SCNN1A: variants seen among roughly 807,000 people sequenced by gnomAD.
SCNN1A encodes epithelial sodium channel subunit alpha.
Under a neutral mutation model 68.6 loss-of-function variants are expected in SCNN1A, and 65 were observed. The ratio of observed to expected loss-of-function variants is 0.95; its 90% CI spans 0.78 to 1.16. The LOEUF is 1.16. Ranked by LOEUF, SCNN1A falls within the 50% of genes most tolerant of loss-of-function variation. The pLI, the probability that SCNN1A is intolerant of heterozygous loss-of-function variation, is 0.00. For missense variants in SCNN1A, 880 were observed against 865.9 expected (o/e 1.02, Z -0.20); for synonymous variants, 357 against 353.3 (o/e 1.01, Z -0.12).
intron 8 of SCNN1A, among the ~76,000 whole-genome samples, chr12:6,350,968 C>T (rs776915327): frequency 7.2e-5 from 11 of 152,196 alleles, no homozygotes; most frequent in South Asian, 2.1e-4. Context: ...GATGTCACTT[C>T]GGAAAACAGC....
At chr12:6,376,751 G>A (rs528326546), upstream of SCNN1A, among the ~76,000 whole-genome samples, 3 of 152,254 alleles carry the variant, frequency 2.0e-5, no homozygotes, top group African/African-American at 4.8e-5. Context: ...CCCTGCACGC[G>A]GCAGGGAAGG....
At chr12:6,367,102 G>A (rs1948693865) in intron 2 of SCNN1A, among the ~76,000 whole-genome samples, 1 of 152,102 alleles carries the variant, frequency 6.6e-6, no homozygotes. Context: ...GCCAGATGTG[G>A]TGGTGCACAC....
At chr12:6,365,919 C>G (rs182212114) in intron 2 of SCNN1A, among the ~76,000 whole-genome samples, 1 of 151,936 alleles carries the variant, frequency 6.6e-6, no homozygotes, top group Admixed American at 6.6e-5. Context: ...AGTGCAGTGC[C>G]GTGATCTCGG....
chr12:6,348,332 A>G (rs1240675774), intron 12 of SCNN1A, 79 bp from the exon 13 acceptor site: 1 of 1,605,788 alleles, frequency 6.2e-7, no homozygotes, highest in East Asian at 2.2e-5. Flanking sequence ...TTCCCTCCTC[A>G]CCAAGCTGTC....
chr12:6,361,874 C>T (rs1253772502), intron 4 of SCNN1A, among the ~76,000 whole-genome samples, 177 bp downstream of exon 4: 2 of 152,236 alleles, frequency 1.3e-5, no homozygotes, highest in Admixed American at 6.5e-5. Flanking sequence ...AGCAGGAGTT[C>T]GTAGGGCGCT....
upstream of SCNN1A, chr12:6,376,137 GAA>G (rs1482158565): frequency 2.0e-6 from 2 of 986,342 alleles, no homozygotes; most frequent in East Asian, 2.3e-4. Flanking sequence ...GCCCTGCAGA[GAA>G]GAGAGAAGAG....
chr12:6,349,627 G>C (rs1022592631), intron 8 of SCNN1A, among the ~76,000 whole-genome samples: 1 of 152,084 alleles, frequency 6.6e-6, no homozygotes, highest in African/African-American at 2.4e-5. Flanking sequence ...AGGGTCGTTT[G>C]AGGCCAGGAG....
rs779507200 is a variant in SCNN1A at position 6,362,084 on chromosome 12, G to A, written c.842C>T (p.Ala281Val). The A allele has an allele frequency of 2.4e-5, 38 of 1,614,148 alleles. No homozygotes were observed. The highest frequency in any genetic ancestry group is 3.1e-5 in the Non-Finnish European group (37 of 1,180,052). The change falls in exon 4 of 13, where the codon GCC (alanine) becomes GTC (valine). Residue 281 changes from alanine (A) to valine (V), a missense_variant. Physicochemically the swap from Ala to Val is moderately conservative, Grantham distance 64. Coordinates refer to ENST00000228916, the MANE Select transcript of SCNN1A (RefSeq NM_001038.6). ...GCAGGAGACCTGGTTGAAGCGGCAG[G>A]CGAAGATGAAGTTGCCCAGCGTGTC... Reference protein sequence around the residue: ...EEDTLGNFIFACRFNQVSCNQ... With the variant: ...EEDTLGNFIFVCRFNQVSCNQ...
intron 8 of SCNN1A, chr12:6,353,676 G>GC (rs1948430694): frequency 3.7e-5 from 3 of 81,564 alleles, no homozygotes; most frequent in Non-Finnish European, 4.3e-5. Context: ...TGCAGGCTCC[G>GC]CCTCCCGGGT....
chr12:6,364,591 T>TAA (rs80062610), intron 2 of SCNN1A, among the ~76,000 whole-genome samples: 2 of 142,902 alleles, frequency 1.4e-5, no homozygotes, highest in African/African-American at 2.6e-5. Context: ...CCGTCTTTAC[T>TAA]AAAAAAAAAA....
Position 6,374,788 on chromosome 12 carries a change from C to G in SCNN1A, c.-5G>C, listed in dbSNP as rs746190692. ...CTCCAGCTTGTTCCCCTCCATGAGA[C>G]CTGGTATGGGCTGCAGAGGTCTAGG... is the stretch of plus-strand genomic sequence containing the variant. On this transcript the variant is annotated 5_prime_UTR_variant, in exon 2 of 13. Coordinates refer to ENST00000228916, the MANE Select transcript of SCNN1A (RefSeq NM_001038.6). The surrounding 1 kb of genome is among the most constrained non-coding windows in gnomAD (Gnocchi z 6.2). 13 of 1,613,838 alleles carry G rather than the reference C, an allele frequency of 8.1e-6. No individual in the cohort carries two copies. The highest frequency in any genetic ancestry group is 5.0e-5 in the Admixed American group (3 of 59,994).
chr12:6,354,288 G>A (rs1188522871), intron 8 of SCNN1A, 150 bp downstream of exon 8: 5 of 700,068 alleles, frequency 7.1e-6, no homozygotes, highest in African/African-American at 3.5e-5. Context: ...CAGAGGCAGA[G>A]ACTAAAGGCT....
intron 8 of SCNN1A, among the ~76,000 whole-genome samples, chr12:6,350,509 C>G (rs886196884): frequency 2.0e-5 from 3 of 150,980 alleles, no homozygotes; most frequent in Admixed American, 2.0e-4. Flanking sequence ...CAATAAGATA[C>G]CACTTCACAC....
intron 1 of SCNN1A, chr12:6,375,100 G>A (rs1948880246): frequency 1.3e-6 from 2 of 1,509,544 alleles, no homozygotes; most frequent in South Asian, 1.2e-5. Flanking sequence ...TCCCTGATAG[G>A]GCCACCTTTC....
intron 2 of SCNN1A, among the ~76,000 whole-genome samples, chr12:6,368,824 G>GT (rs1195436170): frequency 7.2e-5 from 11 of 152,180 alleles, no homozygotes; most frequent in Admixed American, 7.2e-4. Flanking sequence ...TTCTGTCTGT[G>GT]TAACTCGGGG....
At chr12:6,363,995 T>G (rs1055009602) in intron 2 of SCNN1A, 1 of 312,314 alleles carries the variant, frequency 3.2e-6, no homozygotes. Context: ...GCTCTCCCCC[T>G]CGCCCGGACC....
At chr12:6,355,568 G>A (rs1948482744) in intron 5 of SCNN1A, 133 bp from the exon 6 acceptor site, 1 of 1,157,576 alleles carries the variant, frequency 8.6e-7, no homozygotes, top group African/African-American at 1.5e-5. Flanking sequence ...GACCCGCAAA[G>A]GGACCTGGCA....
Position 6,374,869 on chromosome 12 carries a change from C to A in SCNN1A, c.-54-32G>T. ...GAGCCCCGGAGTGGATTGGGGAGAG[C>A]AAGGGTCAGGGTCAAGGCTGAGCTC... On this transcript the variant is annotated intron_variant, in intron 1 of 12. Transcript: ENST00000228916. This position sits in a 1 kb window ranked among gnomAD's most constrained non-coding sequence, Gnocchi z 6.2. The A allele has an allele frequency of 5.0e-6, 8 of 1,614,034 alleles. No individual in the cohort carries two copies. The highest frequency in any genetic ancestry group is 2.7e-5 in the African/African-American group (2 of 75,026).
Position 6,354,771 on chromosome 12 carries a change from G to A in SCNN1A, c.1221C>T (p.Tyr407=). 1.9e-6 allele frequency: 3 copies of A among 1,613,878 alleles called. No individual in the cohort carries two copies. Among genetic ancestry groups the A allele is most frequent in the Non-Finnish European group, 2.5e-6 (3 of 1,179,890 alleles). ...NGSDVPVENL[Y]PSKYTQQVCI... is the part of the protein sequence containing the mutation. ...TCACCTGCTGTGTGTACTTTGAAGG[G>A]TAAAGGTTCTCAACAGGAACATCAC... Residue 407 remains tyrosine (Y), a synonymous_variant, in exon 7 of 13, where the codon TAC becomes TAT. Coordinates refer to ENST00000228916, the MANE Select transcript of SCNN1A (RefSeq NM_001038.6).
Sources: allele counts gnomAD v4.1 joint callset (sites outside exome capture counted in the v4.1 genomes callset), GRCh38; gene constraint gnomAD v4.1.1; non-coding constraint Gnocchi (gnomAD v3.1); transcripts MANE v1.5; gene names NCBI Gene and HGNC (gene_info 2026-07-23, HGNC 2026-07-21).